The following PPP2R2A variants were observed in gnomAD, a reference collection of about 807,000 sequenced individuals.
PPP2R2A encodes protein phosphatase 2 regulatory subunit Balpha.
Under a neutral mutation model 53.2 loss-of-function variants are expected in PPP2R2A, and 9 were observed. The observed-to-expected ratio is 0.17, with a 90% CI of 0.10 to 0.30. The LOEUF (loss-of-function observed/expected upper bound fraction) is 0.30. Ranked by LOEUF, PPP2R2A falls within the 10% of genes least tolerant of loss-of-function variation. The pLI, the probability that PPP2R2A is intolerant of heterozygous loss-of-function variation, is 1.00. For missense variants in PPP2R2A, 235 were observed against 534.6 expected (o/e 0.44, Z 5.53); for synonymous variants, 169 against 174.2 (o/e 0.97, Z 0.23).
chr8:26,328,161 C>A (rs1006664064), intron 2 of PPP2R2A, among the ~76,000 whole-genome samples: 1 of 152,128 alleles, frequency 6.6e-6, no homozygotes, highest in Non-Finnish European at 1.5e-5. Flanking sequence ...CTAAATGATC[C>A]ATCTATTATT....
chr8:26,350,136 C>T (rs560655608), intron 3 of PPP2R2A, among the ~76,000 whole-genome samples: 3 of 152,142 alleles, frequency 2.0e-5, no homozygotes, highest in South Asian at 2.1e-4. Context: ...GTGTGATCTT[C>T]GCTCACTGCA....
chr8:26,301,084 A>C (rs1343611810), intron 2 of PPP2R2A, among the ~76,000 whole-genome samples: 2 of 152,234 alleles, frequency 1.3e-5, no homozygotes, highest in South Asian at 2.1e-4. Flanking sequence ...TAACTGTATA[A>C]TCTTGAGCAG....
chr8:26,326,356 A>G (rs1282492397), intron 2 of PPP2R2A, among the ~76,000 whole-genome samples: 1 of 152,142 alleles, frequency 6.6e-6, no homozygotes, highest in Non-Finnish European at 1.5e-5. Flanking sequence ...TAAAATTCCC[A>G]AGTGGACTTC....
chr8:26,312,690 T>C (rs573016386), intron 2 of PPP2R2A, among the ~76,000 whole-genome samples: 1 of 152,348 alleles, frequency 6.6e-6, no homozygotes, highest in Admixed American at 6.5e-5. Flanking sequence ...ATTTCAAGTT[T>C]GGCTCGGTCT....
chr8:26,292,088 G>A (rs1396981224), intron 1 of PPP2R2A: 1 of 1,218,142 alleles, frequency 8.2e-7, no homozygotes, highest in Non-Finnish European at 1.0e-6. Context: ...CTTGGGGTGA[G>A]GCGTGGGTGG....
Position 26,361,158 on chromosome 8 carries a change from A to G in PPP2R2A, c.637+7A>G. 3.2e-6 allele frequency: 5 copies of G among 1,577,378 alleles called. No individual in the cohort carries two copies. Among genetic ancestry groups the G allele is most frequent in the Non-Finnish European group, 4.3e-6 (5 of 1,166,184 alleles). On this transcript the variant is annotated splice_region_variant and intron_variant, in intron 6 of 9. Coordinates refer to ENST00000380737, the MANE Select transcript of PPP2R2A (RefSeq NM_002717.4). ...ATTACAGACAGGAGTTTTAGTATCC[A>G]TTTGGTTTTCTTTGGTGTTTGGTGA...
At chr8:26,303,639 A>G (rs907744183) in intron 2 of PPP2R2A, among the ~76,000 whole-genome samples, 1 of 152,230 alleles carries the variant, frequency 6.6e-6, no homozygotes, top group African/African-American at 2.4e-5. Flanking sequence ...AGGATGTAGT[A>G]TCAACTATTG....
At chr8:26,306,821 G>A (rs1440189307) in intron 2 of PPP2R2A, among the ~76,000 whole-genome samples, 1 of 152,088 alleles carries the variant, frequency 6.6e-6, no homozygotes, top group African/African-American at 2.4e-5. Context: ...ACCAGCTTGG[G>A]TGACAGAAAA....
At chr8:26,299,140 A>C (rs1287283508) in intron 2 of PPP2R2A, among the ~76,000 whole-genome samples, 1 of 152,116 alleles carries the variant, frequency 6.6e-6, no homozygotes, top group African/African-American at 2.4e-5. Context: ...AGGGCATGGC[A>C]GTGTGCAACT....
intron 2 of PPP2R2A, chr8:26,333,479 C>A (rs1215102507): frequency 1.6e-6 from 2 of 1,215,498 alleles, no homozygotes; most frequent in Non-Finnish European, 2.1e-6. Context: ...TGATTAATTT[C>A]TTTCAGATCA....
Position 26,293,712 on chromosome 8 carries a change from A to G in PPP2R2A, c.54A>G (p.Lys18=). 1 of 1,613,666 alleles carries G rather than the reference A, an allele frequency of 6.2e-7. No homozygotes were observed. The highest frequency in any genetic ancestry group is 8.5e-7 in the Non-Finnish European group (1 of 1,179,776). ...NDIQWCFSQV[K]GAVDDDVAEA... is the part of the protein sequence containing the mutation. ...TTCAGTGGTGTTTTTCTCAGGTGAA[A>G]GGAGCAGTAGATGATGATGTAGCAG... Residue 18 remains lysine, a synonymous_variant, in exon 2 of 10, where the codon AAA becomes AAG. Transcript: ENST00000380737.
At chr8:26,339,285 C>T (rs1803819797) in intron 3 of PPP2R2A, among the ~76,000 whole-genome samples, 1 of 152,020 alleles carries the variant, frequency 6.6e-6, no homozygotes, top group African/African-American at 2.4e-5. Context: ...GAAGCCTTGG[C>T]CCTTCATTAT....
chr8:26,320,805 TGATGGTGTA>T (rs1303937624), intron 2 of PPP2R2A, among the ~76,000 whole-genome samples: 2 of 152,212 alleles, frequency 1.3e-5, no homozygotes, highest in African/African-American at 4.8e-5. Flanking sequence ...TCCTGGGGAT[TGATGGTGTA>T]GATTAAAAAT....
Position 26,360,853 on chromosome 8 carries a change from C to A in PPP2R2A, c.460-121C>A. Reference sequence around the variant, plus strand: ...CATCAGTTGCTTTTTAAAACTAAATCTATGTAATATTGTTCTATTTTATGT... The same window carrying A: ...CATCAGTTGCTTTTTAAAACTAAATATATGTAATATTGTTCTATTTTATGT... On this transcript the variant is annotated intron_variant, in intron 5 of 9. Transcript: ENST00000380737. This position sits in a 1 kb window ranked among gnomAD's most constrained non-coding sequence, Gnocchi z 4.5. The A allele has an allele frequency of 1.1e-6, 1 of 912,104 alleles. No homozygotes were observed. Among genetic ancestry groups the A allele is most frequent in the Non-Finnish European group, 1.6e-6 (1 of 635,680 alleles). 56.5% of individuals were successfully genotyped at this position (912,104 alleles called of 1,614,324 possible). A position where few individuals can be genotyped will look rare whatever the true frequency, so the allele number is the denominator to read the frequency against.
intron 4 of PPP2R2A, among the ~76,000 whole-genome samples, chr8:26,355,620 T>C (rs1804738031): frequency 6.6e-6 from 1 of 152,126 alleles, no homozygotes; most frequent in Non-Finnish European, 1.5e-5. Flanking sequence ...ATCCCAGCAC[T>C]TTAGGAGGCT....
At chr8:26,307,899 G>A (rs1241448934) in intron 2 of PPP2R2A, among the ~76,000 whole-genome samples, 2 of 152,164 alleles carry the variant, frequency 1.3e-5, no homozygotes, top group Non-Finnish European at 2.9e-5. Flanking sequence ...TGGTTCTTCT[G>A]ACTTCACAGC....
At position 26,372,253 on chromosome 8, in the gene PPP2R2A, T is replaced by G. The variant is rs1805691642; in HGVS notation, c.*1840T>G. The G allele has an allele frequency of 6.6e-6, 1 of 152,202 alleles. No homozygotes were observed. The highest frequency in any genetic ancestry group is 1.5e-5 in the Non-Finnish European group (1 of 68,040). The allele number at this position is 152,202 out of a possible 1,614,324, so 9.4% of individuals were successfully genotyped here. A position where few individuals can be genotyped will look rare whatever the true frequency, so the allele number is the denominator to read the frequency against. On this transcript the variant is annotated 3_prime_UTR_variant, in exon 10 of 10. Coordinates refer to ENST00000380737, the MANE Select transcript of PPP2R2A (RefSeq NM_002717.4). ...AATTTATTTGGGGATCTTGGGTACA[T>G]TCTTAATTTGTGTTTATTCTTCACG...
chr8:26,315,467 G>A (rs1802503917), intron 2 of PPP2R2A, among the ~76,000 whole-genome samples: 1 of 152,140 alleles, frequency 6.6e-6, no homozygotes, highest in Admixed American at 6.5e-5. Flanking sequence ...ATTTAATCTT[G>A]TTTTTAATTT....
intron 3 of PPP2R2A, among the ~76,000 whole-genome samples, chr8:26,352,380 C>G (rs949343089): frequency 2.0e-5 from 3 of 152,170 alleles, no homozygotes; most frequent in African/African-American, 4.8e-5. Context: ...TGCTGCAGCT[C>G]CCTGTGGTCT....
Sources: allele counts gnomAD v4.1 joint callset (sites outside exome capture counted in the v4.1 genomes callset), GRCh38; gene constraint gnomAD v4.1.1; non-coding constraint Gnocchi (gnomAD v3.1); transcripts MANE v1.5; gene names NCBI Gene and HGNC (gene_info 2026-07-23, HGNC 2026-07-21).